The following MYOF variants were observed in gnomAD, a reference collection of about 807,000 sequenced individuals.
The protein encoded by MYOF is fer-1-like 3, myoferlin.
A neutral mutation model predicts 284.2 loss-of-function variants in MYOF; 244 were observed. That is an observed-to-expected ratio of 0.86 (90% confidence interval 0.77 to 0.95). The LOEUF is 0.95. MYOF is among the 40% of genes least tolerant of loss of function. The probability of loss-of-function intolerance (pLI) is 0.00; values close to 1 mark genes in which losing one functional copy is unlikely to be tolerated. For missense variants in MYOF, 2,496 were observed against 2,560.6 expected (o/e 0.97, Z 0.54); for synonymous variants, 904 against 919.7 (o/e 0.98, Z 0.31).
At chr10:93,472,772 G>T (rs1227757332) in intron 1 of MYOF, among the ~76,000 whole-genome samples, 1 of 152,342 alleles carries the variant, frequency 6.6e-6, no homozygotes, top group African/African-American at 2.4e-5. Context: ...CAAGCTGTTT[G>T]TGCAGCCACA....
intron 5 of MYOF, among the ~76,000 whole-genome samples, chr10:93,422,073 G>T (rs138496944): frequency 1.6e-4 from 25 of 152,172 alleles, no homozygotes; most frequent in Non-Finnish European, 3.2e-4. Context: ...AAAGAGCCCG[G>T]TTTATTTTTT....
chr10:93,391,561 C>T (rs1305961188), intron 17 of MYOF, among the ~76,000 whole-genome samples: 1 of 151,842 alleles, frequency 6.6e-6, no homozygotes, highest in East Asian at 1.9e-4. Context: ...TGCCATTGCA[C>T]TCCAGCCTGG....
At chr10:93,470,760 T>C (rs1366283497) in intron 1 of MYOF, among the ~76,000 whole-genome samples, 1 of 152,188 alleles carries the variant, frequency 6.6e-6, no homozygotes, top group African/African-American at 2.4e-5. Flanking sequence ...AAGCTGCATG[T>C]GGGCAGGGCC....
chr10:93,476,659 G>C (rs1463428161), intron 1 of MYOF, among the ~76,000 whole-genome samples: 1 of 152,010 alleles, frequency 6.6e-6, no homozygotes, highest in Non-Finnish European at 1.5e-5. Flanking sequence ...GGGATGTCTA[G>C]AGATTAACTC....
chr10:93,449,960 C>T (rs2056543942), intron 3 of MYOF, among the ~76,000 whole-genome samples: 1 of 152,088 alleles, frequency 6.6e-6, no homozygotes, highest in Non-Finnish European at 1.5e-5. Context: ...AAGCAGAAGA[C>T]CCCAATAACT....
intron 15 of MYOF, 133 bp downstream of exon 15, chr10:93,397,114 C>T (rs757563648): frequency 2.2e-5 from 15 of 673,852 alleles, no homozygotes; most frequent in Admixed American, 3.7e-5. Flanking sequence ...AAGAAACGCC[C>T]AGTTCCAGGA....
chr10:93,340,007 G>A (rs1353672698), intron 39 of MYOF, 146 bp downstream of exon 39: 5 of 776,416 alleles, frequency 6.4e-6, no homozygotes, highest in African/African-American at 5.2e-5. Flanking sequence ...TGAACCCCGG[G>A]GGGCGGAGCC....
chr10:93,386,660 G>A (rs1423505301), intron 19 of MYOF, among the ~76,000 whole-genome samples: 1 of 152,180 alleles, frequency 6.6e-6, no homozygotes, highest in South Asian at 2.1e-4. Context: ...ACATGTAAAG[G>A]CTGAGGAATC....
At chr10:93,378,681 A>ATGTGTGTGTGTGTG (rs142030025) in intron 21 of MYOF, among the ~76,000 whole-genome samples, 1,034 of 99,332 alleles carry the variant, frequency 0.01, 80 homozygotes, top group African/African-American at 0.038. Flanking sequence ...GTGTGTGTGT[A>ATGTGTGTGTGTGTG]TGTGTGTGTG....
At chr10:93,375,826 G>A (rs1845811582) in intron 22 of MYOF, among the ~76,000 whole-genome samples, 1 of 152,154 alleles carries the variant, frequency 6.6e-6, no homozygotes, top group Admixed American at 6.5e-5. Context: ...TGAGAACTTG[G>A]ATGTGTTGTG....
intron 5 of MYOF, among the ~76,000 whole-genome samples, chr10:93,422,020 C>G (rs1033742355): frequency 1.2e-4 from 2 of 16,794 alleles, no homozygotes; most frequent in Non-Finnish European, 1.2e-4. Flanking sequence ...GACCGAGCCC[C>G]GGCAAACATT....
intron 19 of MYOF, among the ~76,000 whole-genome samples, chr10:93,382,525 ATTACTGGT>A (rs1846174327): frequency 6.6e-6 from 1 of 152,204 alleles, no homozygotes; most frequent in African/African-American, 2.4e-5. Flanking sequence ...TTCTTTTTAA[ATTACTGGT>A]TTACTAAGAG....
chr10:93,344,790 G>T (rs1403315277), intron 37 of MYOF, among the ~76,000 whole-genome samples: 1 of 146,526 alleles, frequency 6.8e-6, no homozygotes, highest in Non-Finnish European at 1.5e-5. Flanking sequence ...AGGGTGGATT[G>T]TTGTATATTT....
Position 93,482,075 on chromosome 10 carries a change from G to A in MYOF, c.88+32C>T, listed in dbSNP as rs1452689194. 7 of 1,573,180 alleles carry A rather than the reference G, an allele frequency of 4.4e-6. 1 individual carries two copies. Among genetic ancestry groups the A allele is most frequent in the Non-Finnish European group, 1.7e-6 (2 of 1,143,292 alleles). ...TCAAGAAACTAACATTCCAAAACAG[G>A]ACTTCAGAAAAAGAAGAAAACTTTT... On this transcript the variant is annotated intron_variant, in intron 1 of 53. Transcript: ENST00000359263.
chr10:93,334,703 G>A (rs763553604), intron 41 of MYOF, among the ~76,000 whole-genome samples: 2 of 152,106 alleles, frequency 1.3e-5, no homozygotes, highest in Non-Finnish European at 2.9e-5. Context: ...GAACATACAG[G>A]TCTTAGTTCC....
At position 93,409,562 on chromosome 10, in the gene MYOF, G is replaced by C; in HGVS notation, c.600+11C>G. ...ATTAAACAAAGAAGCAGAACGCCAG[G>C]CCGTTGCTACCTGGAAGTCCTGTGG... On this transcript the variant is annotated intron_variant, in intron 6 of 53. Coordinates refer to ENST00000359263, the MANE Select transcript of MYOF (RefSeq NM_013451.4). 6.2e-7 allele frequency: 1 copy of C among 1,610,436 alleles called. No individual in the cohort carries two copies. Among genetic ancestry groups the C allele is most frequent in the Non-Finnish European group, 8.5e-7 (1 of 1,178,924 alleles).
At chr10:93,399,654 A>G (rs1847182385) in intron 12 of MYOF, among the ~76,000 whole-genome samples, 159 bp from the exon 13 acceptor site, 1 of 152,228 alleles carries the variant, frequency 6.6e-6, no homozygotes, top group Non-Finnish European at 1.5e-5. Flanking sequence ...CTGGTGGATC[A>G]TGAGGTCAGA....
At chr10:93,339,895 T>A (rs371809508) in intron 39 of MYOF, among the ~76,000 whole-genome samples, 11 of 151,852 alleles carry the variant, frequency 7.2e-5, no homozygotes, top group African/African-American at 2.4e-4. Context: ...CTGGCTAACA[T>A]GGTGAAACCC....
intron 26 of MYOF, among the ~76,000 whole-genome samples, chr10:93,364,408 G>A (rs1845229979): frequency 6.6e-6 from 1 of 152,190 alleles, no homozygotes; most frequent in Non-Finnish European, 1.5e-5. Context: ...CCATGTTTCT[G>A]TTTCAGTTCC....
Sources: allele counts gnomAD v4.1 joint callset (sites outside exome capture counted in the v4.1 genomes callset), GRCh38; gene constraint gnomAD v4.1.1; transcripts MANE v1.5; gene names NCBI Gene and HGNC (gene_info 2026-07-23, HGNC 2026-07-21).